CFAP73: variants seen among roughly 807,000 people sequenced by gnomAD.
The protein encoded by CFAP73 is cilia- and flagella-associated protein 73.
Under a neutral mutation model 42.9 loss-of-function variants are expected in CFAP73, and 33 were observed. The ratio of observed to expected loss-of-function variants is 0.77; its 90% CI spans 0.58 to 1.03. The LOEUF is 1.03. Among genes scored for constraint, CFAP73 ranks in the 50% least tolerant of loss-of-function variants. The pLI is 0.00. For synonymous variants in CFAP73, 162 were observed against 186.8 expected (o/e 0.87, Z 1.08); for missense variants, 392 against 411.9 (o/e 0.95, Z 0.42).
At chr12:113,156,228 G>A (rs1175332802) in intron 6 of CFAP73, among the ~76,000 whole-genome samples, 1 of 151,962 alleles carries the variant, frequency 6.6e-6, no homozygotes, top group Non-Finnish European at 1.5e-5. Context: ...CGTGACATAG[G>A]TTTACAATGG....
intron 1 of CFAP73, among the ~76,000 whole-genome samples, chr12:113,151,711 C>T (rs1238695304): frequency 1.3e-5 from 2 of 151,172 alleles, no homozygotes; most frequent in African/African-American, 2.4e-5. Flanking sequence ...ATGGGAGGAT[C>T]GCTTAAGCCC....
intron 1 of CFAP73, among the ~76,000 whole-genome samples, chr12:113,151,619 C>T (rs1170781133): frequency 6.6e-6 from 1 of 151,998 alleles, no homozygotes; most frequent in Admixed American, 6.6e-5. Flanking sequence ...AAAACAAGAC[C>T]TCATCTTTAC....
Position 113,159,238 on chromosome 12 carries a change from G to T in CFAP73, c.*549G>T. On this transcript the variant is annotated 3_prime_UTR_variant, in exon 8 of 8. Transcript: ENST00000335621. ...TGCTTATTGCTGTGGCCCAGTGTCT[G>T]TACACAGTAGGTGGCTAATAAAGTT... 3.9e-6 allele frequency: 4 copies of T among 1,035,408 alleles called. No individual in the cohort carries two copies. The highest frequency in any genetic ancestry group is 2.7e-6 in the Non-Finnish European group (2 of 733,034). 64.1% of individuals were successfully genotyped at this position (1,035,408 alleles called of 1,614,324 possible). A position where few individuals can be genotyped will look rare whatever the true frequency, so the allele number is the denominator to read the frequency against.
chr12:113,157,765 A>C, intron 7 of CFAP73, 75 bp downstream of exon 7: 1 of 1,094,772 alleles, frequency 9.1e-7, no homozygotes, highest in Non-Finnish European at 1.3e-6. Flanking sequence ...GTGTGGACTG[A>C]GTGGCTCTTC....
intron 2 of CFAP73, 134 bp from the exon 3 acceptor site, chr12:113,152,649 G>T: frequency 1.6e-6 from 1 of 639,520 alleles, no homozygotes; most frequent in Non-Finnish European, 2.8e-6. Flanking sequence ...CTGGGTGATG[G>T]GAGCCCCGGA....
chr12:113,154,720 G>C lies in CFAP73; in HGVS notation c.690+85G>C. 7.3e-7 allele frequency: 1 copy of C among 1,368,136 alleles called. No homozygotes were observed. Among genetic ancestry groups the C allele is most frequent in the Non-Finnish European group, 9.4e-7 (1 of 1,069,038 alleles). 84.7% of individuals were successfully genotyped at this position (1,368,136 alleles called of 1,614,324 possible). ...AGGAACGCCAGGGCTGATGAGGACC[G>C]ATGGGGCAATGCTTACCCCAGAGGG... On this transcript the variant is annotated intron_variant, in intron 5 of 7. Coordinates refer to ENST00000335621, the MANE Select transcript of CFAP73 (RefSeq NM_001144872.3). This position sits in a 1 kb window ranked among gnomAD's most constrained non-coding sequence, Gnocchi z 4.7.
chr12:113,158,809 T>C lies in CFAP73; in HGVS notation c.*120T>C. ...CAGCACAGGGCCAGGCACACAGTGGTGCACGGGAACGTCTGCTGATGCCCA... is the reference window on the plus strand; with the variant it reads ...CAGCACAGGGCCAGGCACACAGTGGCGCACGGGAACGTCTGCTGATGCCCA... On this transcript the variant is annotated 3_prime_UTR_variant, in exon 8 of 8. Transcript: ENST00000335621. This position sits in a 1 kb window ranked among gnomAD's most constrained non-coding sequence, Gnocchi z 4.9. The C allele has an allele frequency of 6.7e-7, 1 of 1,489,914 alleles. No individual in the cohort carries two copies. The highest frequency in any genetic ancestry group is 1.8e-4 in the Middle Eastern group (1 of 5,614). 92.3% of individuals were successfully genotyped at this position (1,489,914 alleles called of 1,614,324 possible). A position where few individuals can be genotyped will look rare whatever the true frequency, so the allele number is the denominator to read the frequency against.
intron 1 of CFAP73, among the ~76,000 whole-genome samples, chr12:113,150,809 T>A (rs1183636460): frequency 6.6e-6 from 1 of 152,118 alleles, no homozygotes; most frequent in Non-Finnish European, 1.5e-5. Context: ...AGCTCCTCCC[T>A]GCTCCCAATT....
intron 1 of CFAP73, among the ~76,000 whole-genome samples, chr12:113,150,354 G>A (rs1455536735): frequency 2.0e-5 from 3 of 152,096 alleles, no homozygotes; most frequent in Admixed American, 6.6e-5. Flanking sequence ...AAGCCTTGCT[G>A]ATTACACATT....
intron 7 of CFAP73, 23 bp downstream of exon 7, chr12:113,157,713 CCT>C (rs137861202): frequency 0.014 from 20,365 of 1,488,504 alleles, 188 homozygotes; most frequent in Admixed American, 0.015. Flanking sequence ...AGAGGGAACC[CCT>C]GAGAGACCCT....
chr12:113,154,502 C>T lies in CFAP73; in HGVS notation c.557C>T (p.Ala186Val). The T allele has an allele frequency of 1.3e-6, 2 of 1,533,886 alleles. No homozygotes were observed. Among genetic ancestry groups the T allele is most frequent in the African/African-American group, 1.4e-5 (1 of 70,972 alleles). ...ALRLREREQL[A>V]ELEAARARLQ... ...AGGCTCAGGGAGCGCGAGCAGCTCG[C>T]GGAGCTGGAGGCGGCGCGAGCGCGG... The change falls in exon 5 of 8, where the codon GCG becomes GTG. Residue 186 changes from alanine (A) to valine (V), a missense_variant. Transcript: ENST00000335621. This position sits in a 1 kb window ranked among gnomAD's most constrained non-coding sequence, Gnocchi z 4.7.
At chr12:113,152,430 G>A (rs932374657) in intron 2 of CFAP73, among the ~76,000 whole-genome samples, 8 of 152,192 alleles carry the variant, frequency 5.3e-5, no homozygotes, top group Non-Finnish European at 1.0e-4. Context: ...AGGGCAAGTC[G>A]GCTTATCCAG....
intron 6 of CFAP73, among the ~76,000 whole-genome samples, chr12:113,155,872 G>T (rs548979226): frequency 9.2e-5 from 14 of 151,730 alleles, no homozygotes; most frequent in Non-Finnish European, 2.1e-4. Context: ...CTCAGCTTCC[G>T]CAGGGAGGGT....
intron 1 of CFAP73, 99 bp from the exon 2 acceptor site, chr12:113,151,819 G>A: frequency 1.5e-6 from 1 of 680,978 alleles, no homozygotes; most frequent in East Asian, 3.1e-5. Flanking sequence ...AAATTAAACA[G>A]CCAGCAGGTG....
Position 113,153,200 on chromosome 12 carries a change from C to T in CFAP73, c.268-8C>T. 2.0e-6 allele frequency: 3 copies of T among 1,507,584 alleles called. No individual in the cohort carries two copies. Among genetic ancestry groups the T allele is most frequent in the Non-Finnish European group, 2.6e-6 (3 of 1,134,952 alleles). 93.4% of individuals were successfully genotyped at this position (1,507,584 alleles called of 1,614,324 possible). On this transcript the variant is annotated splice_polypyrimidine_tract_variant and splice_region_variant and intron_variant, in intron 3 of 7. Transcript: ENST00000335621. ...TGAAGGTCGTCTTCTCCCCACCGTACTCCCCAGGACTCCGAGGCCCGGCGC... is the reference window on the plus strand; with the variant it reads ...TGAAGGTCGTCTTCTCCCCACCGTATTCCCCAGGACTCCGAGGCCCGGCGC...
In CFAP73 at chr12:113,152,942, CT is replaced by C; in HGVS notation, c.267+56del. 6 of 1,217,036 alleles carry C rather than the reference CT, an allele frequency of 4.9e-6. No individual in the cohort carries two copies. In the South Asian group the frequency reaches 8.1e-5, roughly 16 times the overall value. The allele number at this position is 1,217,036 out of a possible 1,614,324, so 75.4% of individuals were successfully genotyped here. ...GGCCTATGGGTAGCAGCCCACACTC[CT>C]ATAGGGGCCCGGCAGGTAACAAAAA... On this transcript the variant is annotated intron_variant, in intron 3 of 7. Coordinates refer to ENST00000335621, the MANE Select transcript of CFAP73 (RefSeq NM_001144872.3).
At chr12:113,157,533 C>T (rs917885557) in intron 6 of CFAP73, 69 bp from the exon 7 acceptor site, 39 of 1,335,042 alleles carry the variant, frequency 2.9e-5, no homozygotes, top group African/African-American at 1.2e-4. Context: ...GCCTCCCCCG[C>T]GTGTTGAGGG....
Position 113,151,985 on chromosome 12 carries a change from C to G in CFAP73, c.124C>G (p.Leu42Val). The G allele has an allele frequency of 6.4e-7, 1 of 1,551,566 alleles. No homozygotes were observed. The highest frequency in any genetic ancestry group is 1.4e-5 in the African/African-American group (1 of 73,156). The stretch of plus-strand genomic sequence containing the variant: ...GCGTCTCCTGGAGAAGAGGCAAGAG[C>G]TGGTAGATGCAGACCAGGCCCTGCA... ...VLRLLEKRQE[L>V]VDADQALQAQ... Residue 42 changes from leucine to valine, a missense_variant, in exon 2 of 8, where the codon CTG (leucine) becomes GTG (valine). Physicochemically the swap from Leu to Val is conservative, Grantham distance 32 (BLOSUM62 1). Transcript: ENST00000335621.
intron 1 of CFAP73, among the ~76,000 whole-genome samples, chr12:113,150,490 C>T (rs1952052111): frequency 1.3e-5 from 2 of 151,928 alleles, no homozygotes; most frequent in Admixed American, 1.3e-4. Flanking sequence ...CTGGTCTCCC[C>T]CACCTGACCT....
Sources: gnomAD v4.1 joint callset for allele counts (sites outside exome capture counted in the v4.1 genomes callset) on GRCh38, gnomAD v4.1.1 for gene constraint, Gnocchi (gnomAD v3.1) non-coding constraint, MANE v1.5 for transcripts, NCBI Gene and HGNC (gene_info 2026-07-23, HGNC 2026-07-21) for gene names.